KCNK2: variants seen among roughly 807,000 people sequenced by gnomAD.
The protein encoded by KCNK2 is potassium channel subfamily K member 2.
A neutral mutation model predicts 40.5 loss-of-function variants in KCNK2; 21 were observed. That is an observed-to-expected ratio of 0.52 (90% CI 0.37 to 0.75). The LOEUF (loss-of-function observed/expected upper bound fraction) is 0.75. KCNK2 is among the 30% of genes least tolerant of loss of function. KCNK2 has a pLI of 0.00. For missense variants in KCNK2, 399 were observed against 531.6 expected, an observed-to-expected ratio of 0.75 and a Z score of 2.45; for synonymous variants, 191 against 202.2, an observed-to-expected ratio of 0.94 and a Z score of 0.47.
intron 3 of KCNK2, among the ~76,000 whole-genome samples, chr1:215,168,416 C>A (rs1162561742): frequency 1.3e-5 from 2 of 152,168 alleles, no homozygotes; most frequent in African/African-American, 4.8e-5. Context: ...ATGTTTATTG[C>A]AGCGCTATTT....
chr1:215,025,413 G>A (rs1656969748), intron 1 of KCNK2, among the ~76,000 whole-genome samples: 1 of 151,434 alleles, frequency 6.6e-6, no homozygotes, highest in South Asian at 2.1e-4. Context: ...TTCCTTATTT[G>A]TTCCCTATTC....
chr1:215,205,607 A>G (rs1325620813), intron 6 of KCNK2, among the ~76,000 whole-genome samples: 1 of 152,116 alleles, frequency 6.6e-6, no homozygotes, highest in Non-Finnish European at 1.5e-5. Flanking sequence ...CACAATTACC[A>G]TAGGAGATCA....
intron 6 of KCNK2, among the ~76,000 whole-genome samples, chr1:215,219,736 ATTGT>A (rs1333548172): frequency 6.6e-6 from 1 of 152,038 alleles, no homozygotes; most frequent in Admixed American, 6.6e-5. Context: ...CTGTCAATTT[ATTGT>A]TTGTTTATTT....
chr1:215,122,322 AT>A (rs950088201), intron 2 of KCNK2, among the ~76,000 whole-genome samples: 3 of 152,138 alleles, frequency 2.0e-5, no homozygotes, highest in Non-Finnish European at 4.4e-5. Flanking sequence ...GAAAATAAAA[AT>A]TTTTGTAAGA....
At chr1:215,046,052 G>T (rs553607147) in intron 1 of KCNK2, among the ~76,000 whole-genome samples, 1 of 152,092 alleles carries the variant, frequency 6.6e-6, no homozygotes, top group Admixed American at 6.6e-5. Flanking sequence ...GAAAAATCTG[G>T]TATAACAAGA....
chr1:215,130,847 TTTTATTTTTA>T (rs1178224338), intron 3 of KCNK2, among the ~76,000 whole-genome samples: 1 of 148,004 alleles, frequency 6.8e-6, no homozygotes, highest in African/African-American at 2.7e-5. Flanking sequence ...TTTAAGTTTT[TTTTATTTTTA>T]TTTATTTATT....
At chr1:215,029,589 T>C in intron 1 of KCNK2, among the ~76,000 whole-genome samples, 1 of 146,962 alleles carries the variant, frequency 6.8e-6, no homozygotes, top group Admixed American at 6.8e-5. Flanking sequence ...AATATAAATA[T>C]TTGATATATT....
intron 1 of KCNK2, among the ~76,000 whole-genome samples, chr1:215,084,702 G>A (rs184070541): frequency 1.3e-5 from 2 of 152,224 alleles, no homozygotes; most frequent in African/African-American, 4.8e-5. Flanking sequence ...GCTTTATTTG[G>A]AACAGGTGAA....
chr1:215,172,995 T>C lies in KCNK2; in HGVS notation c.823+812T>C, dbSNP rs566969281. On this transcript the variant is annotated intron_variant, in intron 5 of 6. Coordinates refer to ENST00000444842, the MANE Select transcript of KCNK2 (RefSeq NM_001017425.3). ...TTTTAAAATATATATATTTTTATTA[T>C]ACTTTAAGTTCTAGGGTACATGTGC... 4.6e-5 allele frequency among the ~76,000 whole-genome samples: 7 copies of C among 152,252 alleles called. No homozygotes were observed. In the East Asian group the frequency reaches 1.2e-3, roughly 25 times the overall value.
At chr1:215,060,570 A>G (rs966274382) in intron 1 of KCNK2, among the ~76,000 whole-genome samples, 1 of 152,202 alleles carries the variant, frequency 6.6e-6, no homozygotes, top group Non-Finnish European at 1.5e-5. Context: ...AGAAACGTTC[A>G]TGCCATGTAG....
At chr1:215,175,065 T>C (rs986078226) in intron 5 of KCNK2, among the ~76,000 whole-genome samples, 4 of 152,208 alleles carry the variant, frequency 2.6e-5, no homozygotes, top group Admixed American at 2.6e-4. Flanking sequence ...AGGAAATGCT[T>C]CCAGTTTTTG....
At chr1:215,162,805 C>A (rs947061282) in intron 3 of KCNK2, among the ~76,000 whole-genome samples, 8 of 150,818 alleles carry the variant, frequency 5.3e-5, no homozygotes, top group African/African-American at 1.9e-4. Flanking sequence ...GGTACCAGTA[C>A]CATGCTGTTT....
At chr1:215,093,935 A>T (rs1165463065) in intron 2 of KCNK2, among the ~76,000 whole-genome samples, 2 of 121,592 alleles carry the variant, frequency 1.6e-5, no homozygotes, top group Admixed American at 1.2e-4. Context: ...ATATTATTAC[A>T]TGACAATATA....
At chr1:215,195,241 G>A (rs1260789236) in intron 6 of KCNK2, 149 bp downstream of exon 6, 2 of 579,200 alleles carry the variant, frequency 3.5e-6, no homozygotes, top group African/African-American at 3.9e-5. Context: ...ATTAGGCTAT[G>A]AGCAAATATA....
intron 5 of KCNK2, among the ~76,000 whole-genome samples, chr1:215,179,339 A>G (rs1664127465): frequency 6.6e-6 from 1 of 151,606 alleles, no homozygotes; most frequent in Non-Finnish European, 1.5e-5. Flanking sequence ...TTTGAGTCTC[A>G]ATTTCATTTA....
At chr1:215,058,780 C>T (rs1162518281) in intron 1 of KCNK2, among the ~76,000 whole-genome samples, 1 of 152,132 alleles carries the variant, frequency 6.6e-6, no homozygotes, top group African/African-American at 2.4e-5. Flanking sequence ...CTCTATGTTT[C>T]TTGAACTTGC....
rs1656594571 is a variant in KCNK2, at chr1:215,016,577, C to T, written c.34+10622C>T. Among the ~76,000 whole-genome samples the T allele has an allele frequency of 2.6e-5, 4 of 152,072 alleles. No individual in the cohort carries two copies. The South Asian group carries it at 8.3e-4, about 32-fold the overall frequency. ...ATGCAGAAGGATAAAATTAGACTCT[C>T]ATCTCACATAATATATAAAAATTAA... On this transcript the variant is annotated intron_variant, in intron 1 of 6. Transcript: ENST00000391895.
chr1:215,019,029 G>A (rs1460598344), intron 1 of KCNK2, among the ~76,000 whole-genome samples: 4 of 151,848 alleles, frequency 2.6e-5, no homozygotes, highest in Admixed American at 2.6e-4. Flanking sequence ...AAGACCCTTT[G>A]CTCTCTGGAG....
chr1:215,128,700 G>A (rs1218141935), intron 3 of KCNK2, among the ~76,000 whole-genome samples: 1 of 152,142 alleles, frequency 6.6e-6, no homozygotes, highest in Non-Finnish European at 1.5e-5. Flanking sequence ...CTCCCAGTCT[G>A]TGGCATGACT....
Sources: allele counts gnomAD v4.1 joint callset (sites outside exome capture counted in the v4.1 genomes callset), GRCh38; gene constraint gnomAD v4.1.1; transcripts MANE v1.5; gene names NCBI Gene and HGNC (gene_info 2026-07-23, HGNC 2026-07-21).